The following OSBPL9 variants were observed in gnomAD, a reference collection of about 807,000 sequenced individuals.
The protein encoded by OSBPL9 is oxysterol-binding protein-related protein 9.
A neutral mutation model predicts 106.6 loss-of-function variants in OSBPL9; 40 were observed. The ratio of observed to expected loss-of-function variants is 0.38; its 90% CI spans 0.29 to 0.49. The LOEUF (loss-of-function observed/expected upper bound fraction) is 0.49, where lower values mean the gene tolerates loss of function less well. Ranked by LOEUF, OSBPL9 falls within the 20% of genes least tolerant of loss-of-function variation. The pLI is 0.97. For synonymous variants in OSBPL9, 269 were observed against 295.4 expected (o/e 0.91, Z 0.92); for missense variants, 609 against 887.2 (o/e 0.69, Z 3.98).
chr1:51,667,392 T>C (rs886098469), intron 2 of OSBPL9, among the ~76,000 whole-genome samples: 1 of 152,164 alleles, frequency 6.6e-6, no homozygotes, highest in Non-Finnish European at 1.5e-5. Flanking sequence ...CTCCCAGCAC[T>C]AGACAACCAC....
chr1:51,775,435 C>T (rs1674830292), intron 14 of OSBPL9, among the ~76,000 whole-genome samples: 1 of 151,936 alleles, frequency 6.6e-6, no homozygotes, highest in South Asian at 2.1e-4. Flanking sequence ...AAATTGTTTC[C>T]CAGCTCTGCC....
intron 1 of OSBPL9, among the ~76,000 whole-genome samples, chr1:51,623,020 A>G (rs1477794280): frequency 6.6e-6 from 1 of 152,254 alleles, no homozygotes; most frequent in Non-Finnish European, 1.5e-5. Flanking sequence ...AGAATGTGGC[A>G]GTCATGGATG....
intron 7 of OSBPL9, among the ~76,000 whole-genome samples, chr1:51,749,893 GA>G (rs762102828): frequency 1.1e-3 from 156 of 139,704 alleles, no homozygotes; most frequent in African/African-American, 3.6e-3. Context: ...AAAAAAAAAA[GA>G]AAAAAAAATT....
rs567917332 is a variant in OSBPL9, at chr1:51,706,924, A to G, written c.242-7079A>G. Among the ~76,000 whole-genome samples the G allele has an allele frequency of 3.9e-5, 6 of 152,278 alleles. No homozygotes were observed. In the South Asian group the frequency reaches 1.2e-3, roughly 32 times the overall value. On this transcript the variant is annotated intron_variant, in intron 3 of 23. Transcript: ENST00000428468. ...TTTCTTTCATTCTCCTTTTGGCTGC[A>G]TACAGGGGACTTTATTGATGGTACA... is the stretch of plus-strand genomic sequence containing the variant.
intron 4 of OSBPL9, among the ~76,000 whole-genome samples, chr1:51,733,505 G>C (rs945861865): frequency 6.6e-6 from 1 of 152,178 alleles, no homozygotes; most frequent in Admixed American, 6.5e-5. Context: ...GCCGGGTGCG[G>C]TGGCTCACGC....
intron 1 of OSBPL9, 46 bp downstream of exon 1, chr1:51,617,267 TC>T: frequency 6.5e-7 from 1 of 1,550,248 alleles, no homozygotes; most frequent in East Asian, 2.4e-5. Context: ...GGGCCGCGTT[TC>T]CTGGGTGGAG....
At chr1:51,576,512 AGGGTTTTTTT>A (rs570731627), upstream of OSBPL9, among the ~76,000 whole-genome samples, 12 of 151,930 alleles carry the variant, frequency 7.9e-5, no homozygotes, top group Admixed American at 3.3e-4. Context: ...TTCTGTTTTT[AGGGTTTTTTT>A]GGGTTTTTTT....
intron 1 of OSBPL9, among the ~76,000 whole-genome samples, chr1:51,577,639 A>C (rs1268248555): frequency 6.6e-6 from 1 of 152,212 alleles, no homozygotes; most frequent in Non-Finnish European, 1.5e-5. Flanking sequence ...CTCTGAAAGA[A>C]GAAAGAAAAA....
chr1:51,564,543 T>C, the OSBPL9 span, among the ~76,000 whole-genome samples: 2 of 152,208 alleles, frequency 1.3e-5, no homozygotes, highest in African/African-American at 2.4e-5. Context: ...TATATTTCTA[T>C]GCTGTGGAGC....
intron 1 of OSBPL9, among the ~76,000 whole-genome samples, chr1:51,640,541 A>T (rs991048248): frequency 6.6e-6 from 1 of 152,172 alleles, no homozygotes; most frequent in African/African-American, 2.4e-5. Flanking sequence ...AGTTGTAAAA[A>T]TTTGATTGAA....
intron 1 of OSBPL9, among the ~76,000 whole-genome samples, chr1:51,618,373 G>GT (rs1171286028): frequency 6.6e-6 from 1 of 152,162 alleles, no homozygotes; most frequent in Non-Finnish European, 1.5e-5. Flanking sequence ...GATATGGAGA[G>GT]TAGGTGGTAT....
At chr1:51,754,800 ACTCT>A (rs374276884) in intron 8 of OSBPL9, among the ~76,000 whole-genome samples, 9 of 151,896 alleles carry the variant, frequency 5.9e-5, no homozygotes, top group African/African-American at 2.2e-4. Context: ...CTTCTTTCTT[ACTCT>A]CTCTCTCATT....
chr1:51,684,665 G>C (rs1464092169), intron 3 of OSBPL9, among the ~76,000 whole-genome samples: 2 of 151,588 alleles, frequency 1.3e-5, no homozygotes, highest in Non-Finnish European at 2.9e-5. Flanking sequence ...CCAGTAGCTG[G>C]GATTACAGGT....
In OSBPL9 at chr1:51,760,873, G is replaced by T. The variant is rs191577301; in HGVS notation, c.673+93G>T. On this transcript the variant is annotated intron_variant, in intron 10 of 23. Transcript: ENST00000428468. ...GTCTTAGCTATTACTGTTTATTTTT[G>T]ATTTTCCTTGTTTTTAATAAAAGCA... 5.8e-4 allele frequency: 784 copies of T among 1,347,544 alleles called. 7 individuals carry two copies. In the African/African-American group the frequency reaches 0.011, roughly 18 times the overall value. The allele number at this position is 1,347,544 out of a possible 1,614,324, so 83.5% of individuals were successfully genotyped here. A position where few individuals can be genotyped will look rare whatever the true frequency, so the allele number is the denominator to read the frequency against.
chr1:51,607,164 C>CTTTTT (rs1320905927), intron 2 of OSBPL9, among the ~76,000 whole-genome samples: 1 of 136,380 alleles, frequency 7.3e-6, no homozygotes, highest in African/African-American at 2.7e-5. Flanking sequence ...TTTTCTTTTT[C>CTTTTT]TTTTTTTTTT....
At chr1:51,780,666 C>G (rs965761633) in intron 15 of OSBPL9, among the ~76,000 whole-genome samples, 2 of 152,138 alleles carry the variant, frequency 1.3e-5, no homozygotes, top group Non-Finnish European at 2.9e-5. Flanking sequence ...ACTCGGGAGG[C>G]TGAGGCAGAG....
Position 51,761,872 on chromosome 1 carries a change from G to A in OSBPL9, c.679G>A (p.Val227Ile). The part of the protein sequence containing the change: ...PSQTVLPPEP[V>I]QLCKSEQRPS... ...TATACGTTCAAATCTCCTAGAACCT[G>A]TTCAGTTGTGTAAGTCAGAGCAGCG... The change falls in exon 11 of 24, where the codon GTT becomes ATT. Residue 227 changes from valine to isoleucine, a missense_variant. Coordinates refer to ENST00000428468, the MANE Select transcript of OSBPL9 (RefSeq NM_024586.6). 6.2e-7 allele frequency: 1 copy of A among 1,610,912 alleles called. No homozygotes were observed. The highest frequency in any genetic ancestry group is 1.1e-5 in the South Asian group (1 of 90,998).
chr1:51,599,209 T>A (rs1461718363), intron 2 of OSBPL9, among the ~76,000 whole-genome samples: 1 of 152,134 alleles, frequency 6.6e-6, no homozygotes, highest in Non-Finnish European at 1.5e-5. Flanking sequence ...TGAGACCTCA[T>A]CTCTAAAACA....
chr1:51,756,486 C>G, intron 9 of OSBPL9, 128 bp downstream of exon 9: 1 of 836,686 alleles, frequency 1.2e-6, no homozygotes, highest in African/African-American at 1.7e-5. Flanking sequence ...GTTGTTGACT[C>G]TTGCAGTTTC....
Sources: allele counts gnomAD v4.1 joint callset (sites outside exome capture counted in the v4.1 genomes callset), GRCh38; gene constraint gnomAD v4.1.1; transcripts MANE v1.5; gene names NCBI Gene and HGNC (gene_info 2026-07-23, HGNC 2026-07-21).